FAT3: variants seen among roughly 807,000 people sequenced by gnomAD.
FAT3 encodes protocadherin Fat 3.
In FAT3, 95 loss-of-function variants were observed where a neutral mutation model predicts 310.2. That is an observed-to-expected ratio of 0.31 (90% CI 0.26 to 0.36). The LOEUF (loss-of-function observed/expected upper bound fraction) is 0.36, where lower values mean the gene tolerates loss of function less well. Ranked by LOEUF, FAT3 falls within the 10% of genes least tolerant of loss-of-function variation. FAT3 has a pLI of 1.00. For missense variants in FAT3, 5,408 were observed against 5,715.6 expected, an observed-to-expected ratio of 0.95 and a Z score of 1.74; for synonymous variants, 2,314 against 2,192.9, an observed-to-expected ratio of 1.06 and a Z score of -1.54.
chr11:92,711,077 T>G (rs1346008711), intron 4 of FAT3, among the ~76,000 whole-genome samples: 1 of 152,186 alleles, frequency 6.6e-6, no homozygotes, highest in Non-Finnish European at 1.5e-5. Flanking sequence ...AATAAAAACA[T>G]TTAATAATAT....
chr11:92,876,039 C>T (rs1448220771), intron 22 of FAT3, among the ~76,000 whole-genome samples: 8 of 152,170 alleles, frequency 5.3e-5, no homozygotes, highest in African/African-American at 1.9e-4. Context: ...GACCGCCCCT[C>T]CTTGACCCTC....
rs550436867 is a variant in FAT3, at chr11:92,258,921, G to A, written c.-18+33747G>A. Among the ~76,000 whole-genome samples, 4 of 152,010 alleles carry A rather than the reference G, an allele frequency of 2.6e-5. No homozygotes were observed. In the East Asian group the frequency reaches 7.8e-4, roughly 30 times the overall value. On this transcript the variant is annotated intron_variant, in intron 1 of 27. Transcript: ENST00000525166. ...CCACTGATTCAGAGTGGGATGGAGA[G>A]GAAGATGAAGGATTAGGGGTTAGAT...
At chr11:92,823,292 G>A (rs1270005007) in intron 13 of FAT3, among the ~76,000 whole-genome samples, 1 of 152,268 alleles carries the variant, frequency 6.6e-6, no homozygotes, top group East Asian at 1.9e-4. Flanking sequence ...TGAGTATTTA[G>A]TTGATGAATT....
At chr11:92,856,326 T>A (rs937343672) in intron 19 of FAT3, among the ~76,000 whole-genome samples, 31 of 152,202 alleles carry the variant, frequency 2.0e-4, no homozygotes, top group South Asian at 8.3e-4. Flanking sequence ...TGGGTTTTTT[T>A]AAATTTGTGT....
chr11:92,451,330 G>A (rs544908025), intron 2 of FAT3, among the ~76,000 whole-genome samples: 1 of 152,306 alleles, frequency 6.6e-6, no homozygotes, highest in South Asian at 2.1e-4. Flanking sequence ...CAGCTCCGCG[G>A]ATAAGGTTGT....
chr11:92,748,757 T>G (rs1945744431), intron 4 of FAT3: 1 of 152,214 alleles, frequency 6.6e-6, no homozygotes, highest in Non-Finnish European at 1.5e-5. Context: ...AGAAACCACA[T>G]GTAATGACAT....
chr11:92,624,931 A>C (rs1447934715), intron 3 of FAT3, among the ~76,000 whole-genome samples: 1 of 152,028 alleles, frequency 6.6e-6, no homozygotes, highest in Non-Finnish European at 1.5e-5. Context: ...TCTTCACATC[A>C]CCTTCCTCTA....
chr11:92,671,795 A>G (rs1449297721), intron 3 of FAT3, among the ~76,000 whole-genome samples: 2 of 152,128 alleles, frequency 1.3e-5, no homozygotes, highest in Non-Finnish European at 2.9e-5. Flanking sequence ...TTATTAAATA[A>G]CTTCTGGAAT....
chr11:92,262,936 G>A (rs536449378), intron 1 of FAT3, among the ~76,000 whole-genome samples: 1 of 151,992 alleles, frequency 6.6e-6, no homozygotes, highest in Non-Finnish European at 1.5e-5. Context: ...CTACCGAAAT[G>A]TAGGTATTTC....
intron 22 of FAT3, among the ~76,000 whole-genome samples, chr11:92,876,132 C>T (rs1949527492): frequency 2.0e-5 from 3 of 152,094 alleles, no homozygotes; most frequent in Admixed American, 6.5e-5. Flanking sequence ...AGGGAGTTTT[C>T]GCCAAGTTTA....
At chr11:92,585,668 A>C (rs1939107538) in intron 3 of FAT3, among the ~76,000 whole-genome samples, 1 of 152,058 alleles carries the variant, frequency 6.6e-6, no homozygotes, top group Admixed American at 6.6e-5. Flanking sequence ...AGAGAGGTTA[A>C]GTCAATTGGC....
At chr11:92,436,262 C>T (rs371709038) in intron 2 of FAT3, among the ~76,000 whole-genome samples, 1 of 152,140 alleles carries the variant, frequency 6.6e-6, no homozygotes, top group Non-Finnish European at 1.5e-5. Context: ...ACGTCAGCCT[C>T]CCTATTAGCT....
At chr11:92,818,964 A>T (rs1346381575) in intron 13 of FAT3, among the ~76,000 whole-genome samples, 1 of 152,242 alleles carries the variant, frequency 6.6e-6, no homozygotes, top group Non-Finnish European at 1.5e-5. Flanking sequence ...GATAATCATA[A>T]TATGGCTAAT....
At chr11:92,592,626 G>A (rs1354246682) in intron 3 of FAT3, among the ~76,000 whole-genome samples, 1 of 151,836 alleles carries the variant, frequency 6.6e-6, no homozygotes, top group African/African-American at 2.4e-5. Flanking sequence ...GGCCCTAATT[G>A]TCTTTTTAGG....
intron 1 of FAT3, among the ~76,000 whole-genome samples, chr11:92,227,183 G>A (rs1010031836): frequency 3.3e-5 from 5 of 152,170 alleles, no homozygotes; most frequent in South Asian, 4.1e-4. Flanking sequence ...ACCACTCGTG[G>A]CCACTTGTTT....
intron 3 of FAT3, among the ~76,000 whole-genome samples, chr11:92,573,932 T>C (rs1184925561): frequency 6.6e-6 from 1 of 152,120 alleles, no homozygotes; most frequent in Non-Finnish European, 1.5e-5. Flanking sequence ...TTTAAAAAAA[T>C]GAATAAAGAA....
At chr11:92,654,696 A>G (rs940711154) in intron 3 of FAT3, among the ~76,000 whole-genome samples, 2 of 152,190 alleles carry the variant, frequency 1.3e-5, no homozygotes, top group African/African-American at 4.8e-5. Flanking sequence ...ACCCTGGCAC[A>G]ACTATCATCT....
intron 3 of FAT3, among the ~76,000 whole-genome samples, chr11:92,633,227 G>A (rs1462540250): frequency 6.6e-6 from 1 of 152,072 alleles, no homozygotes; most frequent in Non-Finnish European, 1.5e-5. Flanking sequence ...AATCTCTTGT[G>A]AGTCAGTAAT....
Position 92,801,875 on chromosome 11 carries a change from C to T in FAT3, c.8862C>T (p.Ser2954=), listed in dbSNP as rs192587610. The T allele has an allele frequency of 2.9e-4, 473 of 1,613,780 alleles. 10 individuals are homozygous for T. In the Admixed American group the frequency reaches 4.6e-3, roughly 16 times the overall value. Residue 2954 remains serine, a synonymous_variant, in exon 10 of 28, where the codon TCC becomes TCT. Transcript: ENST00000525166. ...AVLSTWDRDT[S]DVNRQVSYHI... ...TCAGCACCTGGGACAGAGACACATC[C>T]GACGTTAATCGCCAAGTGAGCTACC...
Sources: allele counts gnomAD v4.1 joint callset (sites outside exome capture counted in the v4.1 genomes callset), GRCh38; gene constraint gnomAD v4.1.1; transcripts MANE v1.5; gene names NCBI Gene and HGNC (gene_info 2026-07-23, HGNC 2026-07-21).